Variants in SGCZ observed in about 807,000 individuals in gnomAD.
The protein encoded by SGCZ is sarcoglycan zeta.
SGCZ carries 40 observed loss-of-function variants against 41.3 expected under a neutral mutation model. That is an observed-to-expected ratio of 0.97 (90% confidence interval 0.75 to 1.26). The LOEUF (loss-of-function observed/expected upper bound fraction) is 1.26, where lower values mean the gene tolerates loss of function less well. SGCZ is among the 50% of genes most tolerant of loss of function. The pLI, the probability that SGCZ is intolerant of heterozygous loss-of-function variation, is 0.00. For missense variants in SGCZ, 552 were observed against 369.8 expected, an observed-to-expected ratio of 1.49 and a Z score of -4.04; for synonymous variants, 206 against 137.5, an observed-to-expected ratio of 1.50 and a Z score of -3.49.
chr8:14,369,396 A>C (rs1803830539), intron 2 of SGCZ, among the ~76,000 whole-genome samples: 1 of 151,938 alleles, frequency 6.6e-6, no homozygotes, highest in African/African-American at 2.4e-5. Flanking sequence ...CCTCATAATA[A>C]AGGCTTTTTT....
intron 2 of SGCZ, among the ~76,000 whole-genome samples, chr8:14,509,095 C>T (rs1028562925): frequency 6.6e-6 from 1 of 152,054 alleles, no homozygotes; most frequent in Non-Finnish European, 1.5e-5. Context: ...AGATATAAGG[C>T]TCTTTATGTA....
chr8:15,042,483 G>A lies in SGCZ; in HGVS notation c.39+195102C>T, dbSNP rs1425787309. On this transcript the variant is annotated intron_variant, in intron 1 of 7. Coordinates refer to ENST00000382080, the MANE Select transcript of SGCZ (RefSeq NM_139167.4). ...CCACAAAGTAATTCATTTCTGAATAGCTCATTATATTTCCTCTAAATTAGC... is the reference window on the plus strand; with the variant it reads ...CCACAAAGTAATTCATTTCTGAATAACTCATTATATTTCCTCTAAATTAGC... Among the ~76,000 whole-genome samples the A allele has an allele frequency of 2.0e-5, 3 of 152,294 alleles. No homozygotes were observed. The East Asian group carries it at 5.8e-4, about 29-fold the overall frequency.
At chr8:14,284,434 G>T (rs1800553710) in intron 3 of SGCZ, among the ~76,000 whole-genome samples, 1 of 152,086 alleles carries the variant, frequency 6.6e-6, no homozygotes, top group Admixed American at 6.5e-5. Flanking sequence ...TTTAGTATAG[G>T]TTTACTAATC....
At chr8:14,993,236 C>T (rs1353651492) in intron 1 of SGCZ, among the ~76,000 whole-genome samples, 1 of 152,124 alleles carries the variant, frequency 6.6e-6, no homozygotes, top group Non-Finnish European at 1.5e-5. Context: ...TATGCCAGGT[C>T]TCTCCTACCA....
intron 1 of SGCZ, among the ~76,000 whole-genome samples, chr8:14,627,497 T>G (rs922627035): frequency 6.6e-6 from 1 of 152,156 alleles, no homozygotes; most frequent in African/African-American, 2.4e-5. Context: ...TCACAAAGTC[T>G]TATATTTAAA....
intron 1 of SGCZ, among the ~76,000 whole-genome samples, chr8:14,929,117 G>A (rs563892825): frequency 6.6e-6 from 1 of 152,120 alleles, no homozygotes; most frequent in African/African-American, 2.4e-5. Flanking sequence ...TCAGCCTCCT[G>A]AGTAGCTGGG....
rs1425537997 is a variant in SGCZ at position 15,128,066 on chromosome 8, TAAG to T, written c.39+109516_39+109518del. Among the ~76,000 whole-genome samples, 4 of 152,328 alleles carry T rather than the reference TAAG, an allele frequency of 2.6e-5. No homozygotes were observed. The East Asian group carries it at 7.7e-4, about 29-fold the overall frequency. On this transcript the variant is annotated intron_variant, in intron 1 of 7. Transcript: ENST00000382080. ...AGGCTGAAAATAAATTGGTTTTCTT[TAAG>T]AAGAGACCCTTTTTTAAAGATACCA...
In SGCZ at chr8:14,482,062, C is replaced by T. The variant is rs1349857217; in HGVS notation, c.234+72670G>A. ...GAAATGCTATTGCAGGAGGACTAAG[C>T]GAGTATCTTAAATTTAAGGTAGGAA... is the stretch of plus-strand genomic sequence containing the variant. On this transcript the variant is annotated intron_variant, in intron 2 of 7. Coordinates refer to ENST00000382080, the MANE Select transcript of SGCZ (RefSeq NM_139167.4). Among the ~76,000 whole-genome samples the T allele has an allele frequency of 5.3e-5, 8 of 152,048 alleles. No homozygotes were observed. In the East Asian group the frequency reaches 7.7e-4, roughly 15 times the overall value.
chr8:14,457,830 T>C (rs1240662722), intron 2 of SGCZ, among the ~76,000 whole-genome samples: 3 of 152,192 alleles, frequency 2.0e-5, no homozygotes, highest in East Asian at 3.9e-4. Context: ...TTCTGCCTTG[T>C]ATCCAATAAA....
chr8:15,155,513 A>G (rs2117027572), intron 1 of SGCZ, among the ~76,000 whole-genome samples: 1 of 152,278 alleles, frequency 6.6e-6, no homozygotes, highest in Non-Finnish European at 1.5e-5. Context: ...AGCACAACAG[A>G]TGTATTCACA....
intron 1 of SGCZ, among the ~76,000 whole-genome samples, chr8:14,850,230 C>T (rs1446671803): frequency 6.6e-6 from 1 of 152,116 alleles, no homozygotes; most frequent in Non-Finnish European, 1.5e-5. Context: ...AATGTTCATT[C>T]AATAACAATT....
chr8:15,014,365 C>G (rs1358751304), intron 1 of SGCZ, among the ~76,000 whole-genome samples: 2 of 152,150 alleles, frequency 1.3e-5, no homozygotes, highest in African/African-American at 4.8e-5. Context: ...GCCACAGGTG[C>G]CAGTCCCAAA....
In SGCZ at chr8:14,359,828, AAC is replaced by A. The variant is rs1364951866; in HGVS notation, c.235-35626_235-35625del. ...AATACAAAAAAAGAAAAAAAAAAAA[AAC>A]AAATATCCCGGATGAATACTGATGA... On this transcript the variant is annotated intron_variant, in intron 2 of 7. Coordinates refer to ENST00000382080, the MANE Select transcript of SGCZ (RefSeq NM_139167.4). 6.4e-4 allele frequency among the ~76,000 whole-genome samples: 98 copies of A among 152,072 alleles called. 1 individual carries two copies. Among genetic ancestry groups the A allele is most frequent in the African/African-American group, 2.3e-3 (94 of 41,414 alleles).
intron 1 of SGCZ, among the ~76,000 whole-genome samples, chr8:14,656,623 TC>T (rs1468623610): frequency 6.7e-6 from 1 of 149,810 alleles, no homozygotes; most frequent in Non-Finnish European, 1.5e-5. Flanking sequence ...TCTCTCTCTC[TC>T]TCTCCTCCCC....
intron 5 of SGCZ, among the ~76,000 whole-genome samples, chr8:14,122,573 G>T (rs1370102738): frequency 6.6e-6 from 1 of 152,142 alleles, no homozygotes; most frequent in Non-Finnish European, 1.5e-5. Flanking sequence ...AATACTTTTA[G>T]CCATTTAAAA....
intron 1 of SGCZ, among the ~76,000 whole-genome samples, chr8:14,571,432 A>C (rs1309403158): frequency 1.3e-5 from 2 of 152,196 alleles, no homozygotes; most frequent in Non-Finnish European, 1.5e-5. Context: ...GGAGGCAGGC[A>C]ATTAGCTGAG....
At chr8:14,120,020 T>G (rs1216291728) in intron 5 of SGCZ, among the ~76,000 whole-genome samples, 1 of 152,160 alleles carries the variant, frequency 6.6e-6, no homozygotes, top group African/African-American at 2.4e-5. Flanking sequence ...GGCCTGAAAT[T>G]TTCTTTTTCT....
At chr8:14,374,655 T>C (rs945869727) in intron 2 of SGCZ, among the ~76,000 whole-genome samples, 1 of 152,180 alleles carries the variant, frequency 6.6e-6, no homozygotes, top group Non-Finnish European at 1.5e-5. Context: ...CCAGACCACA[T>C]ACTGCCATGT....
chr8:14,866,267 T>C (rs1329547513), intron 1 of SGCZ, among the ~76,000 whole-genome samples: 1 of 152,144 alleles, frequency 6.6e-6, no homozygotes, highest in Non-Finnish European at 1.5e-5. Context: ...AAGTTTATTG[T>C]GAAGTTTGCT....
Sources: gnomAD v4.1 joint callset for allele counts (sites outside exome capture counted in the v4.1 genomes callset) on GRCh38, gnomAD v4.1.1 for gene constraint, MANE v1.5 for transcripts, NCBI Gene and HGNC (gene_info 2026-07-23, HGNC 2026-07-21) for gene names.